Variants in SSH2 observed in about 807,000 individuals in gnomAD.
SSH2 encodes the protein protein phosphatase Slingshot homolog 2.
In SSH2, 37 loss-of-function variants were observed where a neutral mutation model predicts 135.2. That is an observed-to-expected ratio of 0.27 (90% CI 0.21 to 0.36). The LOEUF (loss-of-function observed/expected upper bound fraction) is 0.36. SSH2 is among the 10% of genes least tolerant of loss of function. The pLI is 1.00. For missense variants in SSH2, 1,408 were observed against 1,765.3 expected, an observed-to-expected ratio of 0.80 and a Z score of 3.63; for synonymous variants, 628 against 646.2, an observed-to-expected ratio of 0.97 and a Z score of 0.43.
chr17:29,892,847 G>A (rs544256727), intron 1 of SSH2, among the ~76,000 whole-genome samples: 112 of 151,408 alleles, frequency 7.4e-4, no homozygotes, highest in African/African-American at 2.5e-3. Flanking sequence ...CCCTCTTCCC[G>A]TACCCTTTTC....
At chr17:29,912,631 T>A (rs1174112664) in intron 1 of SSH2, among the ~76,000 whole-genome samples, 4 of 152,096 alleles carry the variant, frequency 2.6e-5, no homozygotes, top group Admixed American at 6.6e-5. Flanking sequence ...CTCAGGAGGC[T>A]AAGGTGGGCA....
intron 1 of SSH2, among the ~76,000 whole-genome samples, chr17:29,926,667 T>C (rs2067072466): frequency 1.3e-5 from 2 of 152,204 alleles, no homozygotes; most frequent in South Asian, 4.1e-4. Context: ...CCAAGCTCAG[T>C]AGTCCCTGTG....
intron 3 of SSH2, among the ~76,000 whole-genome samples, chr17:29,741,794 T>TTGG (rs1341761501): frequency 6.6e-6 from 1 of 151,936 alleles, no homozygotes; most frequent in African/African-American, 2.4e-5. Flanking sequence ...TTTTCTATTT[T>TTGG]TGGTAGAGAC....
At chr17:29,660,121 C>A (rs2036968928) in intron 11 of SSH2, among the ~76,000 whole-genome samples, 1 of 152,134 alleles carries the variant, frequency 6.6e-6, no homozygotes, top group Admixed American at 6.5e-5. Context: ...AGCCACCACG[C>A]CTGGTCAGGG....
chr17:29,886,805 A>C (rs2066247820), intron 1 of SSH2, among the ~76,000 whole-genome samples: 1 of 152,046 alleles, frequency 6.6e-6, no homozygotes, highest in African/African-American at 2.4e-5. Context: ...ATAGAAAATA[A>C]CCCATTTTCT....
At chr17:29,920,855 T>C (rs1044151894) in intron 1 of SSH2, among the ~76,000 whole-genome samples, 3 of 151,932 alleles carry the variant, frequency 2.0e-5, no homozygotes, top group African/African-American at 7.3e-5. Flanking sequence ...TGTCTGTATA[T>C]ACAAATGAAT....
rs55889704 is a variant in SSH2, at chr17:29,678,713, CTTTTTTTT to C, written c.480-980_480-973del. ...AGTATGGTATTTAAAAATACTATTT[CTTTTTTTT>C]TTTTTTTTTTTGAGACAGAGTCTCC... On this transcript the variant is annotated intron_variant, in intron 6 of 15. Transcript: ENST00000540801. 4.5e-5 allele frequency among the ~76,000 whole-genome samples: 5 copies of C among 112,066 alleles called. No individual in the cohort carries two copies. In the South Asian group the frequency reaches 8.6e-4, roughly 19 times the overall value. 73.5% of individuals were successfully genotyped at this position (112,066 alleles called of 152,430 possible).
chr17:29,677,069 A>G (rs2037752345), intron 7 of SSH2, among the ~76,000 whole-genome samples, 184 bp from the exon 8 acceptor site: 1 of 152,258 alleles, frequency 6.6e-6, no homozygotes, highest in Non-Finnish European at 1.5e-5. Flanking sequence ...AAATTGTCTG[A>G]CTTCATCTAC....
chr17:29,788,565 T>TTTTC (rs751430258), intron 3 of SSH2, among the ~76,000 whole-genome samples: 6 of 152,014 alleles, frequency 3.9e-5, no homozygotes, highest in South Asian at 2.1e-4. Flanking sequence ...AATTTCTTTC[T>TTTTC]TTTCTTTCTT....
intron 2 of SSH2, among the ~76,000 whole-genome samples, chr17:29,830,244 G>A (rs931451785): frequency 6.6e-6 from 1 of 152,108 alleles, no homozygotes; most frequent in African/African-American, 2.4e-5. Context: ...CTTTGTTCCA[G>A]CCTTACTGAC....
At chr17:29,917,690 T>C (rs2066907584) in intron 1 of SSH2, among the ~76,000 whole-genome samples, 1 of 151,970 alleles carries the variant, frequency 6.6e-6, no homozygotes, top group South Asian at 2.1e-4. Context: ...CCATCTCTAC[T>C]GAAAAATACA....
chr17:29,731,327 T>TA (rs1598894293), intron 3 of SSH2, among the ~76,000 whole-genome samples: 1 of 152,240 alleles, frequency 6.6e-6, no homozygotes, highest in Non-Finnish European at 1.5e-5. Flanking sequence ...CTGGGGACCT[T>TA]AAAAGCACTC....
intron 1 of SSH2, among the ~76,000 whole-genome samples, chr17:29,874,879 AT>A (rs1567624151): frequency 6.6e-6 from 1 of 152,144 alleles, no homozygotes; most frequent in Non-Finnish European, 1.5e-5. Flanking sequence ...AATGCTGCAG[AT>A]TTTCAAAAGA....
chr17:29,779,371 G>A (rs982152178), intron 3 of SSH2, among the ~76,000 whole-genome samples: 1 of 152,120 alleles, frequency 6.6e-6, no homozygotes, highest in African/African-American at 2.4e-5. Flanking sequence ...CCATCCCAGC[G>A]AGGCTACTCT....
Position 29,785,735 on chromosome 17 carries a change from G to A in SSH2, c.188+8159C>T, listed in dbSNP as rs1327597057. On this transcript the variant is annotated intron_variant, in intron 3 of 15. Transcript: ENST00000540801. The stretch of plus-strand genomic sequence containing the variant: ...AGGCTGGTCTCGAACTCGTGACCTC[G>A]AGATCCACCCACCTCGGCTTCTCAA... Among the ~76,000 whole-genome samples the A allele has an allele frequency of 2.0e-5, 3 of 151,344 alleles. No individual in the cohort carries two copies. The East Asian group carries it at 5.8e-4, about 29-fold the overall frequency.
At chr17:29,913,358 A>AAT (rs1567650109) in intron 1 of SSH2, among the ~76,000 whole-genome samples, 1 of 80,250 alleles carries the variant, frequency 1.2e-5, no homozygotes, top group Non-Finnish European at 2.4e-5. Context: ...ATATATATAT[A>AAT]TATATATATA....
At chr17:29,925,656 C>G (rs1442268142) in intron 1 of SSH2, 1 of 391,030 alleles carries the variant, frequency 2.6e-6, no homozygotes. Context: ...CTGCAGTGAG[C>G]TATGACTGTG....
At chr17:29,702,331 T>C (rs1409888203) in intron 4 of SSH2, among the ~76,000 whole-genome samples, 3 of 142,920 alleles carry the variant, frequency 2.1e-5, no homozygotes, top group Non-Finnish European at 3.0e-5. Context: ...CTAGCCTGGG[T>C]GACAGAGTGA....
At chr17:29,807,940 C>T (rs545927416) in intron 2 of SSH2, among the ~76,000 whole-genome samples, 7 of 148,760 alleles carry the variant, frequency 4.7e-5, no homozygotes, top group African/African-American at 1.7e-4. Context: ...TAACTATGGG[C>T]CTCCACTAGA....
Sources: gnomAD v4.1 joint callset for allele counts (sites outside exome capture counted in the v4.1 genomes callset) on GRCh38, gnomAD v4.1.1 for gene constraint, MANE v1.5 for transcripts, NCBI Gene and HGNC (gene_info 2026-07-23, HGNC 2026-07-21) for gene names.